Variants in IPP observed in about 807,000 individuals in gnomAD.
The protein encoded by IPP is actin-binding protein IPP.
IPP carries 41 observed loss-of-function variants against 64.1 expected under a neutral mutation model. The observed-to-expected ratio is 0.64, with a 90% CI of 0.50 to 0.83. IPP has a LOEUF of 0.83. IPP is among the 40% of genes least tolerant of loss of function. The pLI, the probability that IPP is intolerant of heterozygous loss-of-function variation, is 0.00. For synonymous variants in IPP, 214 were observed against 235.2 expected, an observed-to-expected ratio of 0.91 and a Z score of 0.83; for missense variants, 649 against 703.0, an observed-to-expected ratio of 0.92 and a Z score of 0.87.
At position 45,719,250 on chromosome 1, in the gene IPP, CG is replaced by C. The variant is rs1557746197; in HGVS notation, c.1138del (p.Arg380AlafsTer4). The C allele has an allele frequency of 2.5e-6, 4 of 1,613,820 alleles. No individual in the cohort carries two copies. The highest frequency in any genetic ancestry group is 2.2e-5 in the South Asian group (2 of 91,062). On this transcript the variant is annotated frameshift_variant, in exon 6 of 9. Coordinates refer to ENST00000396478, the MANE Select transcript of IPP (RefSeq NM_005897.3). LOFTEE classifies it high-confidence loss of function. ...ACACACACACACTCCTAAGCCGCAG[CG>C]GGGATGATTCATCGAAGCTACAGTT... Reference protein sequence around the residue: ...WTTVASMNHPRCGLGVCVCYG... With the variant: ...WTTVASMNHPXCGLGVCVCYG...
At chr1:45,725,410 A>G (rs1645807733) in intron 5 of IPP, among the ~76,000 whole-genome samples, 1 of 141,346 alleles carries the variant, frequency 7.1e-6, no homozygotes, top group South Asian at 2.3e-4. Context: ...GGCCGCCCCT[A>G]CTGGGAAGTG....
chr1:45,727,690 T>A lies in IPP; in HGVS notation c.989A>T (p.His330Leu), dbSNP rs756898715. 2.5e-6 allele frequency: 4 copies of A among 1,595,654 alleles called. No homozygotes were observed. In the Admixed American group the frequency reaches 5.0e-5, roughly 20 times the overall value. The change falls in exon 5 of 9, where the codon CAT becomes CTT. Residue 330 changes from histidine to leucine, a missense_variant. By Grantham distance (99) the His-to-Leu change is moderately conservative (BLOSUM62 -3). Transcript: ENST00000396478. The part of the protein sequence containing the change: ...SQYWTTVSSL[H>L]QARSGLGVTV... ...TACTCCCAGCCCACTTCGAGCCTGA[T>A]GAAGTGAAGACACAGTGGTCCAGTA...
At chr1:45,747,865 A>C (rs1284654613) in intron 1 of IPP, among the ~76,000 whole-genome samples, 1 of 142,210 alleles carries the variant, frequency 7.0e-6, no homozygotes, top group Non-Finnish European at 1.5e-5. Flanking sequence ...AAAAAAAAAA[A>C]AACCATGAGA....
In IPP at chr1:45,740,884, T is replaced by C. The variant is rs1570045301; in HGVS notation, c.724+17A>G. On this transcript the variant is annotated intron_variant, in intron 3 of 8. Coordinates refer to ENST00000396478, the MANE Select transcript of IPP (RefSeq NM_005897.3). ...GGATAATTAATCAACTAATTCGATA[T>C]ATAGCAAAAAAGTTACCTTCTATAT... The C allele has an allele frequency of 4.8e-6, 7 of 1,473,030 alleles. No individual in the cohort carries two copies. The highest frequency in any genetic ancestry group is 6.4e-6 in the Non-Finnish European group (7 of 1,087,466). The allele number at this position is 1,473,030 out of a possible 1,614,324, so 91.2% of individuals were successfully genotyped here. A position where few individuals can be genotyped will look rare whatever the true frequency, so the allele number is the denominator to read the frequency against.
chr1:45,733,432 CATAAATAA>C (rs376977849), intron 3 of IPP, among the ~76,000 whole-genome samples: 31 of 145,670 alleles, frequency 2.1e-4, no homozygotes, highest in East Asian at 4.0e-4. Flanking sequence ...CTCAAAAAAA[CATAAATAA>C]ATAAATAAAT....
intron 1 of IPP, among the ~76,000 whole-genome samples, chr1:45,749,795 C>T (rs12564201): frequency 1.3e-5 from 2 of 151,752 alleles, no homozygotes; most frequent in East Asian, 3.9e-4. Flanking sequence ...GCTGGGATTA[C>T]AGGCGTGAGC....
intron 2 of IPP, among the ~76,000 whole-genome samples, chr1:45,744,453 A>C (rs1461495621): frequency 1.3e-5 from 2 of 152,038 alleles, no homozygotes; most frequent in East Asian, 3.8e-4. Context: ...GCTTGATCAT[A>C]GCTCACTGCA....
chr1:45,701,009 C>T (rs1645443217), intron 8 of IPP, among the ~76,000 whole-genome samples: 1 of 152,166 alleles, frequency 6.6e-6, no homozygotes, highest in South Asian at 2.1e-4. Context: ...TAGTAATCTG[C>T]AGAACATATT....
chr1:45,738,209 C>A (rs1011265231), intron 3 of IPP, among the ~76,000 whole-genome samples: 3 of 152,302 alleles, frequency 2.0e-5, no homozygotes, highest in East Asian at 3.9e-4. Context: ...ATTTAAATCA[C>A]CCTACATGTA....
intron 7 of IPP, among the ~76,000 whole-genome samples, chr1:45,715,602 C>G (rs1645647771): frequency 1.3e-5 from 2 of 150,966 alleles, no homozygotes; most frequent in African/African-American, 4.9e-5. Context: ...GATTGCACCA[C>G]TGCACTCCAG....
chr1:45,699,879 G>A lies in IPP; in HGVS notation c.*87C>T. The stretch of plus-strand genomic sequence containing the variant: ...CATGGAAAACTCACAGAATCAGAGG[G>A]TCTTATCACCAAATCTATGTTTGCT... On this transcript the variant is annotated 3_prime_UTR_variant, in exon 9 of 9. Coordinates refer to ENST00000396478, the MANE Select transcript of IPP (RefSeq NM_005897.3). 1 of 1,553,964 alleles carries A rather than the reference G, an allele frequency of 6.4e-7. No individual in the cohort carries two copies. Among genetic ancestry groups the A allele is most frequent in the Non-Finnish European group, 8.7e-7 (1 of 1,151,682 alleles).
At chr1:45,732,376 A>G (rs1422719542) in intron 3 of IPP, among the ~76,000 whole-genome samples, 1 of 150,916 alleles carries the variant, frequency 6.6e-6, no homozygotes, top group Non-Finnish European at 1.5e-5. Flanking sequence ...AAAAAAAAAA[A>G]AAAACACAAA....
In IPP at chr1:45,726,061, C is replaced by T. The variant is rs1435784409; in HGVS notation, c.1048+1570G>A. On this transcript the variant is annotated intron_variant, in intron 5 of 8. Transcript: ENST00000396478. The stretch of plus-strand genomic sequence containing the variant: ...TATGACCCTGCCAAATCCCCCTCTG[C>T]GAGAAACACCCAAGAATGATCAATA... Among the ~76,000 whole-genome samples the T allele has an allele frequency of 2.0e-4, 28 of 137,340 alleles. No homozygotes were observed. In the South Asian group the frequency reaches 2.1e-3, roughly 10 times the overall value. The allele number at this position is 137,340 out of a possible 152,430, so 90.1% of individuals were successfully genotyped here.
intron 2 of IPP, among the ~76,000 whole-genome samples, chr1:45,744,837 C>CAA (rs34472879): frequency 7.7e-6 from 1 of 130,058 alleles, no homozygotes; most frequent in African/African-American, 2.9e-5. Context: ...GACTCTGTCT[C>CAA]AAAAAAAAAA....
At chr1:45,742,628 C>T (rs866945362) in intron 2 of IPP, among the ~76,000 whole-genome samples, 8 of 152,038 alleles carry the variant, frequency 5.3e-5, no homozygotes, top group Admixed American at 1.3e-4. Flanking sequence ...CTGCCTCCCA[C>T]GCTCAGGTGA....
chr1:45,695,135 A>G (rs1439766460), downstream of IPP, among the ~76,000 whole-genome samples: 1 of 152,130 alleles, frequency 6.6e-6, no homozygotes, highest in Non-Finnish European at 1.5e-5. Context: ...TTTAAATCAC[A>G]GAGAAGCTTT....
Position 45,699,906 on chromosome 1 carries a change from TG to T in IPP, c.*59del. The stretch of plus-strand genomic sequence containing the variant: ...CTTATCACCAAATCTATGTTTGCTT[TG>T]CAAAAGGTCAGGTCCTGCATTTTCA... On this transcript the variant is annotated 3_prime_UTR_variant, in exon 9 of 9. Transcript: ENST00000396478. The T allele has an allele frequency of 6.3e-7, 1 of 1,580,166 alleles. No homozygotes were observed. Among genetic ancestry groups the T allele is most frequent in the Admixed American group, 1.8e-5 (1 of 55,896 alleles).
chr1:45,704,184 G>A (rs1241294299), intron 8 of IPP, among the ~76,000 whole-genome samples: 1 of 152,094 alleles, frequency 6.6e-6, no homozygotes, highest in African/African-American at 2.4e-5. Flanking sequence ...AAGAAAATTG[G>A]CTTCATTTAG....
At chr1:45,715,470 T>C (rs1645645980) in intron 7 of IPP, among the ~76,000 whole-genome samples, 1 of 151,776 alleles carries the variant, frequency 6.6e-6, no homozygotes, top group South Asian at 2.1e-4. Context: ...TGAAACCCCA[T>C]CTCTACTAAA....
Sources: allele counts gnomAD v4.1 joint callset (sites outside exome capture counted in the v4.1 genomes callset), GRCh38; gene constraint gnomAD v4.1.1; transcripts MANE v1.5; gene names NCBI Gene and HGNC (gene_info 2026-07-23, HGNC 2026-07-21).